The following C1orf21 variants were observed in gnomAD, a reference collection of about 807,000 sequenced individuals.
C1orf21 encodes the protein uncharacterized protein C1orf21.
A neutral mutation model predicts 18.7 loss-of-function variants in C1orf21; 3 were observed. That is an observed-to-expected ratio of 0.16 (90% confidence interval 0.07 to 0.42). The LOEUF (loss-of-function observed/expected upper bound fraction) is 0.42, where lower values mean the gene tolerates loss of function less well. Among genes scored for constraint, C1orf21 ranks in the 10% least tolerant of loss-of-function variants. The pLI, the probability that C1orf21 is intolerant of heterozygous loss-of-function variation, is 0.99. For missense variants in C1orf21, 104 were observed against 143.6 expected (o/e 0.72, Z 1.41); for synonymous variants, 41 against 46.4 (o/e 0.88, Z 0.47).
intron 3 of C1orf21, among the ~76,000 whole-genome samples, chr1:184,542,938 T>C (rs564779841): frequency 1.2e-3 from 181 of 152,296 alleles, no homozygotes; most frequent in Non-Finnish European, 2.1e-3. Flanking sequence ...TCCAAAGCCT[T>C]CTTTGACTGT....
intron 3 of C1orf21, among the ~76,000 whole-genome samples, chr1:184,565,142 G>A (rs756532447): frequency 2.0e-5 from 3 of 152,186 alleles, no homozygotes; most frequent in Admixed American, 1.3e-4. Flanking sequence ...AAGACTCTGA[G>A]GTTGACCTGG....
At chr1:184,548,103 A>G (rs1405681285) in intron 3 of C1orf21, among the ~76,000 whole-genome samples, 1 of 152,116 alleles carries the variant, frequency 6.6e-6, no homozygotes, top group Non-Finnish European at 1.5e-5. Context: ...ACCTTCTGGT[A>G]CCCTAGGCTG....
intron 3 of C1orf21, among the ~76,000 whole-genome samples, chr1:184,526,721 A>G (rs957515506): frequency 1.3e-5 from 2 of 152,212 alleles, no homozygotes; most frequent in African/African-American, 2.4e-5. Context: ...TCATTGAGAA[A>G]TAGCCCAAAA....
chr1:184,449,994 TAACA>T (rs1657098558), intron 1 of C1orf21, among the ~76,000 whole-genome samples: 1 of 152,080 alleles, frequency 6.6e-6, no homozygotes, highest in Non-Finnish European at 1.5e-5. Flanking sequence ...AGGTTATGGG[TAACA>T]GACAGAACAC....
chr1:184,481,533 G>A (rs1657653896), intron 2 of C1orf21, among the ~76,000 whole-genome samples: 1 of 152,146 alleles, frequency 6.6e-6, no homozygotes, highest in African/African-American at 2.4e-5. Flanking sequence ...CAAGGGTATA[G>A]GTGCAGGGAG....
At chr1:184,479,831 C>T (rs1262620124) in intron 2 of C1orf21, among the ~76,000 whole-genome samples, 3 of 151,892 alleles carry the variant, frequency 2.0e-5, no homozygotes, top group Non-Finnish European at 2.9e-5. Context: ...CCATGTTTCC[C>T]AGGCTGATCT....
intron 1 of C1orf21, among the ~76,000 whole-genome samples, chr1:184,394,201 A>G (rs1656013717): frequency 6.6e-6 from 1 of 152,208 alleles, no homozygotes; most frequent in South Asian, 2.1e-4. Flanking sequence ...GGGCTTTTGG[A>G]AAAAGGTACT....
intron 3 of C1orf21, among the ~76,000 whole-genome samples, chr1:184,569,456 G>A (rs770366047): frequency 6.6e-6 from 1 of 152,214 alleles, no homozygotes; most frequent in Non-Finnish European, 1.5e-5. Flanking sequence ...GAGGCTGAAC[G>A]TTGGAAGGTT....
chr1:184,558,042 A>G (rs545305814), intron 3 of C1orf21, among the ~76,000 whole-genome samples: 24 of 152,178 alleles, frequency 1.6e-4, no homozygotes, highest in Middle Eastern at 6.3e-3. Flanking sequence ...GCAAAGTCTC[A>G]TTTATATCCT....
At chr1:184,618,453 G>A (rs913437816) in intron 5 of C1orf21, among the ~76,000 whole-genome samples, 22 of 152,094 alleles carry the variant, frequency 1.4e-4, no homozygotes, top group Non-Finnish European at 2.6e-4. Flanking sequence ...ACCCAGCCAC[G>A]TGGCACAAAA....
chr1:184,442,915 TGA>T (rs1413562393), intron 1 of C1orf21, among the ~76,000 whole-genome samples: 2 of 152,236 alleles, frequency 1.3e-5, no homozygotes, highest in Non-Finnish European at 2.9e-5. Context: ...AATTTAATAC[TGA>T]GATCATCAGC....
intron 3 of C1orf21, among the ~76,000 whole-genome samples, chr1:184,553,874 GAA>G (rs1658844539): frequency 6.6e-6 from 1 of 152,230 alleles, no homozygotes; most frequent in Non-Finnish European, 1.5e-5. Context: ...TGTTCAGAAA[GAA>G]AAGATGGTAA....
chr1:184,493,135 A>C (rs1430513048), intron 2 of C1orf21, among the ~76,000 whole-genome samples: 1 of 152,250 alleles, frequency 6.6e-6, no homozygotes, highest in African/African-American at 2.4e-5. Flanking sequence ...CACATGTTTA[A>C]ACTATGAATA....
chr1:184,457,474 T>TA (rs1657238746), intron 1 of C1orf21, among the ~76,000 whole-genome samples: 2 of 125,908 alleles, frequency 1.6e-5, no homozygotes, highest in African/African-American at 3.5e-5. Context: ...TATATATATA[T>TA]TTTTACATAG....
intron 3 of C1orf21, among the ~76,000 whole-genome samples, chr1:184,558,391 C>T (rs1456124043): frequency 1.3e-5 from 2 of 152,166 alleles, no homozygotes; most frequent in Non-Finnish European, 2.9e-5. Flanking sequence ...AAAAATCGTG[C>T]TGTTTTAAAA....
rs1486575829 is a variant in C1orf21, at chr1:184,627,298, T to TC, written c.*7746dup. 6.6e-6 allele frequency: 1 copy of TC among 151,788 alleles called. No homozygotes were observed. The highest frequency in any genetic ancestry group is 6.6e-5 in the Admixed American group (1 of 15,240). The allele number at this position is 151,788 out of a possible 1,614,324, so 9.4% of individuals were successfully genotyped here. ...GAGTTCAGAGCATTGGGTTTTTTTC[T>TC]CCCCTCCCCACCCCCAGAAAAATAA... On this transcript the variant is annotated 3_prime_UTR_variant, in exon 6 of 6. Transcript: ENST00000235307.
chr1:184,388,427 G>A (rs1655920692), intron 1 of C1orf21, among the ~76,000 whole-genome samples: 1 of 152,142 alleles, frequency 6.6e-6, no homozygotes, highest in East Asian at 1.9e-4. Flanking sequence ...ATTGCCGGTG[G>A]GTTAGGAAAA....
chr1:184,579,791 G>A (rs1659251907), intron 3 of C1orf21, among the ~76,000 whole-genome samples: 1 of 152,156 alleles, frequency 6.6e-6, no homozygotes, highest in Non-Finnish European at 1.5e-5. Context: ...TTACAGGCAT[G>A]AGCCACTGCG....
intron 1 of C1orf21, among the ~76,000 whole-genome samples, chr1:184,421,488 A>G (rs1167922226): frequency 6.6e-6 from 1 of 152,234 alleles, no homozygotes; most frequent in Non-Finnish European, 1.5e-5. Context: ...AAACAACAAC[A>G]ATATTCAACA....
Sources: gnomAD v4.1 joint callset for allele counts (sites outside exome capture counted in the v4.1 genomes callset) on GRCh38, gnomAD v4.1.1 for gene constraint, MANE v1.5 for transcripts, NCBI Gene and HGNC (gene_info 2026-07-23, HGNC 2026-07-21) for gene names.